ZNF618: variants seen among roughly 807,000 people sequenced by gnomAD.
The protein encoded by ZNF618 is zinc finger protein 618, also known as neural precursor cell expressed, developmentally down-regulated 10.
ZNF618 carries 34 observed loss-of-function variants against 103.0 expected under a neutral mutation model. The observed-to-expected ratio is 0.33, with a 90% CI of 0.25 to 0.44. ZNF618 has a LOEUF of 0.44. Ranked by LOEUF, ZNF618 falls within the 20% of genes least tolerant of loss-of-function variation. The probability of loss-of-function intolerance (pLI) is 1.00; values close to 1 mark genes in which losing one functional copy is unlikely to be tolerated. For synonymous variants in ZNF618, 551 were observed against 542.2 expected, an observed-to-expected ratio of 1.02 and a Z score of -0.23; for missense variants, 1,059 against 1,295.4, an observed-to-expected ratio of 0.82 and a Z score of 2.80.
At chr9:113,917,048 G>A (rs1026091485) in intron 1 of ZNF618, among the ~76,000 whole-genome samples, 1 of 152,078 alleles carries the variant, frequency 6.6e-6, no homozygotes, top group African/African-American at 2.4e-5. Flanking sequence ...CTCCCACCAA[G>A]GCAGGAATGG....
intron 6 of ZNF618, among the ~76,000 whole-genome samples, chr9:114,004,656 C>T (rs1841576012): frequency 6.6e-6 from 1 of 152,188 alleles, no homozygotes; most frequent in African/African-American, 2.4e-5. Context: ...ATTTTATTCT[C>T]AGTCCTGCAG....
At chr9:114,025,598 A>G (rs190301882) in intron 10 of ZNF618, among the ~76,000 whole-genome samples, 38 of 152,340 alleles carry the variant, frequency 2.5e-4, no homozygotes, top group African/African-American at 9.1e-4. Context: ...CTGTGAGGTC[A>G]ACAGAGGGAG....
intron 1 of ZNF618, among the ~76,000 whole-genome samples, chr9:113,925,854 A>G (rs1395048373): frequency 2.0e-5 from 3 of 152,140 alleles, no homozygotes; most frequent in African/African-American, 7.2e-5. Context: ...CACATGGTAT[A>G]ATCATCCAGT....
intron 11 of ZNF618, among the ~76,000 whole-genome samples, chr9:114,031,068 C>G (rs552302069): frequency 2.0e-5 from 3 of 152,092 alleles, no homozygotes; most frequent in Non-Finnish European, 2.9e-5. Flanking sequence ...TACATCCAAC[C>G]CCAGTAACTT....
intron 13 of ZNF618, among the ~76,000 whole-genome samples, chr9:114,046,724 T>G (rs751917489): frequency 1.1e-4 from 16 of 152,234 alleles, no homozygotes; most frequent in African/African-American, 3.9e-4. Flanking sequence ...CGATTCCTAG[T>G]TTATTGAGTG....
At chr9:114,017,610 C>T (rs1842756145) in intron 10 of ZNF618, among the ~76,000 whole-genome samples, 1 of 152,156 alleles carries the variant, frequency 6.6e-6, no homozygotes, top group Non-Finnish European at 1.5e-5. Context: ...AGTCTCAGGG[C>T]AGTAGGGCTG....
At chr9:113,951,515 G>GTGTGTACATATATGTGTA (rs1564207712) in intron 1 of ZNF618, among the ~76,000 whole-genome samples, 5 of 36,770 alleles carry the variant, frequency 1.4e-4, no homozygotes, top group Non-Finnish European at 2.5e-4. Context: ...ATATATGTGT[G>GTGTGTACATATATGTGTA]TATATGTACA....
At position 113,950,396 on chromosome 9, in the gene ZNF618, G is replaced by A. The variant is rs118021893; in HGVS notation, c.34-18721G>A. On this transcript the variant is annotated intron_variant, in intron 1 of 14. Coordinates refer to ENST00000374126, the MANE Select transcript of ZNF618 (RefSeq NM_001318042.2). The stretch of plus-strand genomic sequence containing the variant: ...TATTAGATGTGGTCAGCTTGCCGGT[G>A]TTGGAAGAAGTAGCATTTCTTCTGG... Among the ~76,000 whole-genome samples the A allele has an allele frequency of 3.4e-4, 52 of 152,300 alleles. No homozygotes were observed. The East Asian group carries it at 9.5e-3, about 28-fold the overall frequency.
At position 114,049,255 on chromosome 9, in the gene ZNF618, G is replaced by A; in HGVS notation, c.1953G>A (p.Arg651=). 3 of 1,612,898 alleles carry A rather than the reference G, an allele frequency of 1.9e-6. No homozygotes were observed. The highest frequency in any genetic ancestry group is 2.5e-6 in the Non-Finnish European group (3 of 1,179,686). Residue 651 remains arginine (R), a synonymous_variant, in exon 15 of 15, where the codon CGG becomes CGA. Coordinates refer to ENST00000374126, the MANE Select transcript of ZNF618 (RefSeq NM_001318042.2). The part of the protein sequence containing the change: ...NSVVQSVLSK[R]TLQARSMHEV... ...TGGTGCAGAGCGTGCTGAGCAAGCG[G>A]ACACTGCAGGCCCGCAGCATGCACG... is the stretch of plus-strand genomic sequence containing the variant.
intron 1 of ZNF618, among the ~76,000 whole-genome samples, chr9:113,888,437 A>G (rs987641050): frequency 1.3e-5 from 2 of 152,260 alleles, no homozygotes; most frequent in South Asian, 4.1e-4. Flanking sequence ...AGCCTTTAAT[A>G]CCACGTTTGA....
At chr9:113,949,832 A>C (rs542083921) in intron 1 of ZNF618, among the ~76,000 whole-genome samples, 1 of 152,306 alleles carries the variant, frequency 6.6e-6, no homozygotes, top group South Asian at 2.1e-4. Flanking sequence ...AGCATCTCCA[A>C]AATCAATTTC....
intron 3 of ZNF618, among the ~76,000 whole-genome samples, chr9:113,997,050 CTCTCTCTT>C (rs976047344): frequency 1.8e-4 from 25 of 138,424 alleles, no homozygotes; most frequent in East Asian, 1.6e-3. Context: ...AAGGTTCTCT[CTCTCTCTT>C]TCTTTTTTTT....
chr9:113,956,738 A>G (rs1428638656), intron 1 of ZNF618, among the ~76,000 whole-genome samples: 1 of 152,220 alleles, frequency 6.6e-6, no homozygotes, highest in African/African-American at 2.4e-5. Flanking sequence ...GTTAGAGTAG[A>G]CTGTCGTCTA....
At chr9:113,877,284 A>T (rs1270100143) in intron 1 of ZNF618, among the ~76,000 whole-genome samples, 1 of 152,198 alleles carries the variant, frequency 6.6e-6, no homozygotes, top group Non-Finnish European at 1.5e-5. Flanking sequence ...TGAGAAAAAA[A>T]CTAATTGGAA....
At chr9:113,935,153 C>A (rs1338026271) in intron 1 of ZNF618, among the ~76,000 whole-genome samples, 1 of 152,198 alleles carries the variant, frequency 6.6e-6, no homozygotes, top group African/African-American at 2.4e-5. Flanking sequence ...CCTAACCTGG[C>A]AGGAAGCTGC....
intron 1 of ZNF618, among the ~76,000 whole-genome samples, chr9:113,923,040 C>T (rs1368373577): frequency 3.3e-5 from 5 of 152,012 alleles, no homozygotes; most frequent in African/African-American, 7.2e-5. Flanking sequence ...TTTATACCTA[C>T]GTTTTTATTT....
At chr9:113,996,797 G>A (rs1257277696) in intron 3 of ZNF618, among the ~76,000 whole-genome samples, 1 of 152,174 alleles carries the variant, frequency 6.6e-6, no homozygotes, top group Non-Finnish European at 1.5e-5. Flanking sequence ...CATAGTGGGG[G>A]GCTCTGCTGC....
At chr9:113,884,421 G>T (rs1448860621) in intron 1 of ZNF618, among the ~76,000 whole-genome samples, 2 of 152,206 alleles carry the variant, frequency 1.3e-5, no homozygotes, top group African/African-American at 4.8e-5. Context: ...TGATGCATAG[G>T]GTTCTTGTGA....
At chr9:114,019,413 A>T (rs1842897835) in intron 10 of ZNF618, among the ~76,000 whole-genome samples, 2 of 152,206 alleles carry the variant, frequency 1.3e-5, no homozygotes, top group Non-Finnish European at 2.9e-5. Flanking sequence ...TTAATAAGTG[A>T]CAAACCATTT....
Sources: gnomAD v4.1 joint callset for allele counts (sites outside exome capture counted in the v4.1 genomes callset) on GRCh38, gnomAD v4.1.1 for gene constraint, MANE v1.5 for transcripts, NCBI Gene and HGNC (gene_info 2026-07-23, HGNC 2026-07-21) for gene names.